MED1: variants seen among roughly 807,000 people sequenced by gnomAD.
The protein encoded by MED1 is mediator complex subunit 1, also known as mediator of RNA polymerase II transcription subunit 1.
In MED1, 17 loss-of-function variants were observed where a neutral mutation model predicts 121.3. The observed-to-expected ratio is 0.14, with a 90% CI of 0.10 to 0.21. MED1 has a LOEUF of 0.21. Ranked by LOEUF, MED1 falls within the 10% of genes least tolerant of loss-of-function variation. MED1 has a pLI of 1.00. For missense variants in MED1, 1,558 were observed against 1,919.4 expected, an observed-to-expected ratio of 0.81 and a Z score of 3.52; for synonymous variants, 661 against 694.4, an observed-to-expected ratio of 0.95 and a Z score of 0.76.
intron 1 of MED1, among the ~76,000 whole-genome samples, chr17:39,449,776 C>A (rs1310708776): frequency 6.9e-6 from 1 of 144,562 alleles, no homozygotes; most frequent in East Asian, 2.1e-4. Flanking sequence ...TCCCAAAGTG[C>A]TGGGATTACA....
chr17:39,438,366 C>T (rs1299808732), intron 6 of MED1, among the ~76,000 whole-genome samples: 11 of 106,964 alleles, frequency 1.0e-4, no homozygotes, highest in East Asian at 8.7e-4. Context: ...TTTTTTGAGA[C>T]GGCGTCTTGC....
intron 1 of MED1, among the ~76,000 whole-genome samples, chr17:39,449,809 C>CTTTTTT (rs71147334): frequency 1.6e-5 from 1 of 61,590 alleles, no homozygotes; most frequent in East Asian, 5.7e-4. Flanking sequence ...CACACCCGGC[C>CTTTTTT]TTTTTTTTTT....
chr17:39,435,164 T>G (rs571451943), intron 6 of MED1, among the ~76,000 whole-genome samples: 1 of 151,910 alleles, frequency 6.6e-6, no homozygotes, highest in Admixed American at 6.6e-5. Context: ...CAAGACTGTG[T>G]GTCAAAAAAA....
intron 14 of MED1, among the ~76,000 whole-genome samples, chr17:39,417,263 A>G (rs4795362): frequency 0.68 from 103,417 of 151,558 alleles, 36,162 homozygotes; most frequent in South Asian, 0.89. Context: ...CCAGGAGGCA[A>G]AGGTTGCAGT....
intron 2 of MED1, among the ~76,000 whole-genome samples, chr17:39,444,324 T>C (rs962456105): frequency 7.9e-5 from 12 of 151,240 alleles, no homozygotes; most frequent in African/African-American, 2.7e-4. Context: ...CTGGCCAAAA[T>C]GGTGAAACCC....
At chr17:39,442,086 G>A (rs2048681036) in intron 3 of MED1, among the ~76,000 whole-genome samples, 1 of 146,718 alleles carries the variant, frequency 6.8e-6, no homozygotes, top group Non-Finnish European at 1.5e-5. Flanking sequence ...CTGGACGACA[G>A]AGTGAGACAC....
chr17:39,442,598 GAAAAAAAAAA>G (rs34492410), intron 3 of MED1, among the ~76,000 whole-genome samples: 1 of 65,808 alleles, frequency 1.5e-5, no homozygotes, highest in Non-Finnish European at 2.9e-5. Context: ...CACCGTCTCG[GAAAAAAAAAA>G]AAAAAAAAAA....
intron 14 of MED1, 117 bp downstream of exon 14, chr17:39,419,600 G>GGA: frequency 3.6e-6 from 3 of 828,770 alleles, no homozygotes; most frequent in African/African-American, 3.6e-5. Flanking sequence ...TGCCAAATAT[G>GGA]AAAAAAAAAA....
chr17:39,406,935 A>C lies in MED1; in HGVS notation c.*540T>G, dbSNP rs2048308043. Reference sequence around the variant, plus strand: ...CCTCCCCCAGTCACTCCTAAGAAACAGACACCAAACATTACTTAAGTGTCC... The same window carrying C: ...CCTCCCCCAGTCACTCCTAAGAAACCGACACCAAACATTACTTAAGTGTCC... On this transcript the variant is annotated 3_prime_UTR_variant, in exon 17 of 17. Transcript: ENST00000300651. 1 of 986,078 alleles carries C rather than the reference A, an allele frequency of 1.0e-6. No individual in the cohort carries two copies. The highest frequency in any genetic ancestry group is 1.2e-6 in the Non-Finnish European group (1 of 830,092). The allele number at this position is 986,078 out of a possible 1,614,324, so 61.1% of individuals were successfully genotyped here.
intron 9 of MED1, among the ~76,000 whole-genome samples, chr17:39,429,112 G>GAGTTCA (rs2048541397): frequency 6.6e-6 from 1 of 151,886 alleles, no homozygotes; most frequent in Non-Finnish European, 1.5e-5. Context: ...TTGAAGCCAG[G>GAGTTCA]AGTTCAAGTC....
rs752440047 is a variant in MED1, at chr17:39,440,068, AAAAG to A, written c.399+314_399+317del. Among the ~76,000 whole-genome samples the A allele has an allele frequency of 7.9e-5, 12 of 151,738 alleles. No individual in the cohort carries two copies. The highest frequency in any genetic ancestry group is 3.3e-4 in the Admixed American group (5 of 15,204). On this transcript the variant is annotated intron_variant, in intron 5 of 16. Transcript: ENST00000300651. The surrounding 1 kb of genome is among the most constrained non-coding windows in gnomAD (Gnocchi z 4.1). ...AGAAAGAAAGAAAAGAAAGAAAAGA[AAAAG>A]AAAGCAAGCAAGCAAGCAAGAAAGA...
At position 39,407,142 on chromosome 17, in the gene MED1, AAAAT is replaced by A; in HGVS notation, c.*329_*332del. ...GCCTAAAAATGGAAAAAGGGAGAAG[AAAAT>A]ATATATGAATATTTCCCACAAAACT... On this transcript the variant is annotated 3_prime_UTR_variant, in exon 17 of 17. Coordinates refer to ENST00000300651, the MANE Select transcript of MED1 (RefSeq NM_004774.4). 3.0e-6 allele frequency: 3 copies of A among 1,012,974 alleles called. No homozygotes were observed. Among genetic ancestry groups the A allele is most frequent in the Non-Finnish European group, 3.5e-6 (3 of 847,898 alleles). The allele number at this position is 1,012,974 out of a possible 1,614,324, so 62.7% of individuals were successfully genotyped here.
Position 39,406,477 on chromosome 17 carries a change from A to C in MED1, c.*998T>G, listed in dbSNP as rs2048304549. ...AACTATTAATCCTGTAATGGTTTTC[A>C]TGCCACTGGGTCAGGAAGGCTGTCC... On this transcript the variant is annotated 3_prime_UTR_variant, in exon 17 of 17. Coordinates refer to ENST00000300651, the MANE Select transcript of MED1 (RefSeq NM_004774.4). 1.0e-6 allele frequency: 1 copy of C among 985,246 alleles called. No individual in the cohort carries two copies. 61.0% of individuals were successfully genotyped at this position (985,246 alleles called of 1,614,324 possible).
rs2048396870 is a variant in MED1, at chr17:39,415,105, G to A, written c.1420C>T (p.His474Tyr). ...CCTTTGTAGAGTTTACAGCTCACAT[G>A]TGTTGAGTCCTGCACATCCATTACC... ...CVVMDVQDST[H>Y]VSCKLYKGLS... The change falls in exon 16 of 17, where the codon CAT becomes TAT. Residue 474 changes from histidine (H) to tyrosine (Y), a missense_variant. Physicochemically the swap from His to Tyr is moderately conservative, Grantham distance 83 (BLOSUM62 2). Coordinates refer to ENST00000300651, the MANE Select transcript of MED1 (RefSeq NM_004774.4). 6.2e-7 allele frequency: 1 copy of A among 1,614,136 alleles called. No homozygotes were observed.
chr17:39,434,353 G>A (rs1309490061), intron 6 of MED1, 33 bp from the exon 7 acceptor site: 2 of 1,184,960 alleles, frequency 1.7e-6, no homozygotes, highest in East Asian at 2.6e-5. Flanking sequence ...GGGAAAGAGA[G>A]GAAAATAAAA....
Position 39,405,237 on chromosome 17 carries a change from AG to A in MED1, c.*2237del, listed in dbSNP as rs1410486696. On this transcript the variant is annotated 3_prime_UTR_variant, in exon 17 of 17. Transcript: ENST00000300651. ...GTTAAGCAAGTTCAGATGCTGGGTC[AG>A]TGTGGGGGTGAGCCCATCGACAATT... is the stretch of plus-strand genomic sequence containing the variant. 4 of 1,591,350 alleles carry A rather than the reference AG, an allele frequency of 2.5e-6. No individual in the cohort carries two copies. Among genetic ancestry groups the A allele is most frequent in the Non-Finnish European group, 3.4e-6 (4 of 1,168,864 alleles).
intron 12 of MED1, 58 bp from the exon 13 acceptor site, chr17:39,423,503 G>C (rs771748221): frequency 2.0e-6 from 3 of 1,473,616 alleles, no homozygotes; most frequent in African/African-American, 1.4e-5. Context: ...TGACAGCTCA[G>C]TTTCCCCTTG....
chr17:39,432,932 G>C (rs1247519409), intron 7 of MED1, among the ~76,000 whole-genome samples: 1 of 152,094 alleles, frequency 6.6e-6, no homozygotes, highest in Non-Finnish European at 1.5e-5. Context: ...AGGTGGCTGG[G>C]CGCAATGTCT....
intron 1 of MED1, among the ~76,000 whole-genome samples, chr17:39,448,903 C>CT (rs1242994043): frequency 6.6e-6 from 1 of 152,138 alleles, no homozygotes; most frequent in African/African-American, 2.4e-5. Context: ...GAGCAAAACT[C>CT]TGTCTCAAAT....
Sources: allele counts gnomAD v4.1 joint callset (sites outside exome capture counted in the v4.1 genomes callset), GRCh38; gene constraint gnomAD v4.1.1; non-coding constraint Gnocchi (gnomAD v3.1); transcripts MANE v1.5; gene names NCBI Gene and HGNC (gene_info 2026-07-23, HGNC 2026-07-21).